NOTCH2NLB: variants seen among roughly 807,000 people sequenced by gnomAD.
NOTCH2NLB encodes the protein notch homolog 2 N-terminal-like protein B.
In NOTCH2NLB, 1 loss-of-function variant was observed where a neutral mutation model predicts 14.8. The observed-to-expected ratio is 0.07, with a 90% CI of 0.02 to 0.32. NOTCH2NLB has a LOEUF of 0.32. Among genes scored for constraint, NOTCH2NLB ranks in the 10% least tolerant of loss-of-function variants. NOTCH2NLB has a pLI of 1.00. For synonymous variants in NOTCH2NLB, 6 were observed against 57.5 expected (o/e 0.10, Z 4.05); for missense variants, 11 against 155.0 (o/e 0.07, Z 4.93).
intron 1 of NOTCH2NLB, among the ~76,000 whole-genome samples, chr1:148,670,568 A>ATATATATG (rs1664755783): frequency 7.2e-6 from 1 of 139,538 alleles, no homozygotes; most frequent in African/African-American, 2.5e-5. Flanking sequence ...ATATATATAT[A>ATATATATG]TATATATATA....
intron 2 of NOTCH2NLB, among the ~76,000 whole-genome samples, chr1:148,627,762 C>G (rs1426820560): frequency 6.7e-6 from 1 of 149,038 alleles, no homozygotes; most frequent in Non-Finnish European, 1.5e-5. Context: ...ACTCATTAGC[C>G]CTTATTATGA....
At chr1:148,634,222 TG>T (rs1470042420) in intron 2 of NOTCH2NLB, among the ~76,000 whole-genome samples, 2 of 144,332 alleles carry the variant, frequency 1.4e-5, no homozygotes, top group African/African-American at 5.0e-5. Flanking sequence ...GCCAAGCTTC[TG>T]CTATCATTTT....
intron 3 of NOTCH2NLB, among the ~76,000 whole-genome samples, chr1:148,610,843 G>A (rs1363103205): frequency 1.6e-4 from 5 of 31,420 alleles, no homozygotes; most frequent in East Asian, 1.7e-3. Context: ...GCAGTGAACC[G>A]AGATTGCACC....
In NOTCH2NLB at chr1:148,633,324, C is replaced by T. The variant is rs1452550447; in HGVS notation, c.77+6692G>A. Among the ~76,000 whole-genome samples, 10 of 116,506 alleles carry T rather than the reference C, an allele frequency of 8.6e-5. 3 individuals are homozygous for T. In the East Asian group the frequency reaches 2.2e-3, roughly 26 times the overall value. The allele number at this position is 116,506 out of a possible 152,430, so 76.4% of individuals were successfully genotyped here. ...ATCCCAGCACTTTGGGAGGCCGAGGCGGGCAGATCATGAGGTCAGGAGATA... is the reference window on the plus strand; with the variant it reads ...ATCCCAGCACTTTGGGAGGCCGAGGTGGGCAGATCATGAGGTCAGGAGATA... On this transcript the variant is annotated intron_variant, in intron 2 of 4. Coordinates refer to ENST00000593495, the Ensembl canonical transcript of NOTCH2NLB.
intron 1 of NOTCH2NLB, among the ~76,000 whole-genome samples, chr1:148,654,664 A>G (rs1394129934): frequency 3.4e-5 from 3 of 87,922 alleles, no homozygotes; most frequent in Non-Finnish European, 7.6e-5. Context: ...ATGACATATT[A>G]AAAAAGATCA....
In NOTCH2NLB at chr1:148,607,893, G is replaced by C. The variant is rs1426939808; in HGVS notation, c.338-148C>G. 14 of 654,408 alleles carry C rather than the reference G, an allele frequency of 2.1e-5. 2 individuals carry two copies. Among genetic ancestry groups the C allele is most frequent in the Non-Finnish European group, 3.8e-5 (14 of 373,038 alleles). The allele number at this position is 654,408 out of a possible 1,614,324, so 40.5% of individuals were successfully genotyped here. A position where few individuals can be genotyped will look rare whatever the true frequency, so the allele number is the denominator to read the frequency against. On this transcript the variant is annotated intron_variant, in intron 3 of 4. Transcript: ENST00000593495. Reference sequence around the variant, plus strand: ...AAAGGCTAAATCAGAGCCTCCTCAAGGTCATCTGACACAGAGCTCTCTCCA... The same window carrying C: ...AAAGGCTAAATCAGAGCCTCCTCAACGTCATCTGACACAGAGCTCTCTCCA...
At chr1:148,638,891 ACTC>A (rs1409487613) in intron 2 of NOTCH2NLB, among the ~76,000 whole-genome samples, 2 of 143,492 alleles carry the variant, frequency 1.4e-5, no homozygotes, top group Non-Finnish European at 3.0e-5. Context: ...AAGAAGAACT[ACTC>A]CTCACAAAAA....
intron 2 of NOTCH2NLB, among the ~76,000 whole-genome samples, chr1:148,628,399 AC>A (rs1337376500): frequency 2.7e-4 from 26 of 95,318 alleles, no homozygotes; most frequent in Middle Eastern, 0.01. Flanking sequence ...TTGGTGGATG[AC>A]CACCTTCAAA....
intron 1 of NOTCH2NLB, among the ~76,000 whole-genome samples, chr1:148,670,200 G>C (rs1389820134): frequency 1.1e-5 from 1 of 91,266 alleles, no homozygotes; most frequent in Non-Finnish European, 2.4e-5. Context: ...ATTTGATGTT[G>C]TTATATACTG....
intron 2 of NOTCH2NLB, among the ~76,000 whole-genome samples, chr1:148,637,234 A>G (rs1267420503): frequency 6.9e-6 from 1 of 143,960 alleles, no homozygotes; most frequent in Non-Finnish European, 1.5e-5. Flanking sequence ...ACGCCCAGCT[A>G]ATTTTTTGCA....
chr1:148,673,456 A>G (rs1235980078), intron 1 of NOTCH2NLB, among the ~76,000 whole-genome samples: 1 of 76,972 alleles, frequency 1.3e-5, no homozygotes, highest in African/African-American at 4.3e-5. Flanking sequence ...GAGCTAATGA[A>G]GCAGAAATCC....
At chr1:148,699,895 G>C in the NOTCH2NLB span, among the ~76,000 whole-genome samples, 9 of 70,580 alleles carry the variant, frequency 1.3e-4, no homozygotes, top group African/African-American at 3.6e-4. Context: ...TTTAAGTTCA[G>C]GGGTATATGT....
At chr1:148,631,482 C>G (rs1229032320) in intron 2 of NOTCH2NLB, among the ~76,000 whole-genome samples, 1 of 77,330 alleles carries the variant, frequency 1.3e-5, no homozygotes, top group Non-Finnish European at 2.3e-5. Flanking sequence ...AGGTCACTGA[C>G]AGTGAATAAA....
chr1:148,649,375 T>A (rs1461901631), intron 1 of NOTCH2NLB, among the ~76,000 whole-genome samples: 1 of 86,726 alleles, frequency 1.2e-5, no homozygotes, highest in Non-Finnish European at 2.3e-5. Context: ...AGAAAGTGAA[T>A]ATGAAGTGTT....
intron 3 of NOTCH2NLB, among the ~76,000 whole-genome samples, chr1:148,610,027 C>T (rs1358167935): frequency 7.0e-6 from 1 of 143,478 alleles, no homozygotes; most frequent in Non-Finnish European, 1.5e-5. Context: ...GTGGCTGATG[C>T]CTGTAATCCC....
intron 1 of NOTCH2NLB, among the ~76,000 whole-genome samples, chr1:148,651,158 AAAAAATAT>A (rs1261440272): frequency 0.017 from 1,338 of 80,516 alleles, 2 homozygotes; most frequent in South Asian, 0.028. Context: ...AAAAAAAAAA[AAAAAATAT>A]ATATATATAT....
At chr1:148,658,930 AAATT>A (rs1396562852) in intron 1 of NOTCH2NLB, among the ~76,000 whole-genome samples, 2 of 148,962 alleles carry the variant, frequency 1.3e-5, no homozygotes, top group Non-Finnish European at 1.5e-5. Flanking sequence ...TACATCTTTT[AAATT>A]AAGACTAATA....
chr1:148,708,130 A>T, the NOTCH2NLB span, among the ~76,000 whole-genome samples: 1 of 60,860 alleles, frequency 1.6e-5, no homozygotes, highest in Admixed American at 1.7e-4. Context: ...TATATATTCT[A>T]TATTAAATAG....
At chr1:148,674,803 C>A (rs1664817057) in intron 1 of NOTCH2NLB, among the ~76,000 whole-genome samples, 1 of 142,938 alleles carries the variant, frequency 7.0e-6, no homozygotes, top group Admixed American at 7.0e-5. Flanking sequence ...AATATTTATT[C>A]ATCATATTTC....
Sources: gnomAD v4.1 joint callset for allele counts (sites outside exome capture counted in the v4.1 genomes callset) on GRCh38, gnomAD v4.1.1 for gene constraint, MANE v1.5 for transcripts, NCBI Gene and HGNC (gene_info 2026-07-23, HGNC 2026-07-21) for gene names.